The following CSMD3 variants were observed in gnomAD, a reference collection of about 807,000 sequenced individuals.
CSMD3 encodes CUB and sushi domain-containing protein 3.
In CSMD3, 177 loss-of-function variants were observed where a neutral mutation model predicts 435.2. The observed-to-expected ratio is 0.41, with a 90% confidence interval of 0.36 to 0.46. The LOEUF is 0.46. Ranked by LOEUF, CSMD3 falls within the 20% of genes least tolerant of loss-of-function variation. CSMD3 has a pLI of 0.34. For synonymous variants in CSMD3, 1,656 were observed against 1,520.5 expected (o/e 1.09, Z -2.07); for missense variants, 4,265 against 4,504.6 (o/e 0.95, Z 1.52).
intron 22 of CSMD3, among the ~76,000 whole-genome samples, chr8:112,635,807 ACTT>A (rs2074640329): frequency 1.3e-5 from 2 of 152,142 alleles, no homozygotes; most frequent in Admixed American, 1.3e-4. Flanking sequence ...AAAGGATATA[ACTT>A]CTTCAATCTC....
At chr8:113,084,354 T>C (rs1477478998) in intron 5 of CSMD3, among the ~76,000 whole-genome samples, 3 of 151,896 alleles carry the variant, frequency 2.0e-5, no homozygotes, top group African/African-American at 7.2e-5. Context: ...CCATTTGTAA[T>C]AGGCGCAAAA....
At chr8:112,962,898 C>T (rs1207652027) in intron 7 of CSMD3, among the ~76,000 whole-genome samples, 1 of 151,882 alleles carries the variant, frequency 6.6e-6, no homozygotes, top group Non-Finnish European at 1.5e-5. Flanking sequence ...GAAGCACTGG[C>T]GTCACCTGGG....
intron 3 of CSMD3, among the ~76,000 whole-genome samples, chr8:113,233,372 T>A (rs1252288135): frequency 6.6e-6 from 1 of 151,240 alleles, no homozygotes; most frequent in Non-Finnish European, 1.5e-5. Context: ...TAAAAAAGTG[T>A]ATTTTAAAAA....
Position 113,113,579 on chromosome 8 carries a change from T to C in CSMD3, c.710-14616A>G, listed in dbSNP as rs544302551. Reference sequence around the variant, plus strand: ...CAGCCTTTAGCTTCAGGGCACCATCTTAACTGTGTTGCTGGCTGGGACATT... The same window carrying C: ...CAGCCTTTAGCTTCAGGGCACCATCCTAACTGTGTTGCTGGCTGGGACATT... On this transcript the variant is annotated intron_variant, in intron 4 of 70. Coordinates refer to ENST00000297405, the MANE Select transcript of CSMD3 (RefSeq NM_198123.2). Among the ~76,000 whole-genome samples the C allele has an allele frequency of 2.0e-5, 3 of 152,226 alleles. No individual in the cohort carries two copies. The East Asian group carries it at 5.8e-4, about 29-fold the overall frequency.
intron 1 of CSMD3, among the ~76,000 whole-genome samples, chr8:113,436,323 C>G (rs1250247892): frequency 6.6e-6 from 1 of 152,142 alleles, no homozygotes; most frequent in Non-Finnish European, 1.5e-5. Context: ...AAGCCTCAAG[C>G]CCTAGTGATC....
chr8:113,208,634 T>A (rs2092798201), intron 3 of CSMD3, among the ~76,000 whole-genome samples: 1 of 152,092 alleles, frequency 6.6e-6, no homozygotes, highest in Non-Finnish European at 1.5e-5. Flanking sequence ...AAGTTTGTCA[T>A]TACAAACTAT....
intron 1 of CSMD3, among the ~76,000 whole-genome samples, chr8:113,414,651 CAAAAAAAA>C (rs780988317): frequency 2.4e-5 from 2 of 85,068 alleles, no homozygotes; most frequent in African/African-American, 4.0e-5. Context: ...TGCCCAAATA[CAAAAAAAA>C]AAAAAAAAAA....
At chr8:113,026,707 T>C (rs1029954947) in intron 5 of CSMD3, among the ~76,000 whole-genome samples, 17 of 152,324 alleles carry the variant, frequency 1.1e-4, no homozygotes, top group East Asian at 9.6e-4. Context: ...TTATACTCTT[T>C]ATAAGTTAGG....
chr8:112,821,670 A>G (rs1207788665), intron 12 of CSMD3, among the ~76,000 whole-genome samples: 3 of 151,948 alleles, frequency 2.0e-5, no homozygotes, highest in South Asian at 2.1e-4. Context: ...CCCATTTGTC[A>G]ATTTTGGCTT....
intron 41 of CSMD3, among the ~76,000 whole-genome samples, chr8:112,342,971 T>TTTTATA (rs1554647494): frequency 2.2e-5 from 2 of 92,408 alleles, no homozygotes; most frequent in Non-Finnish European, 4.3e-5. Context: ...TTGAAATGTA[T>TTTTATA]TATATATATA....
chr8:113,355,741 T>TAC (rs2094219824), intron 1 of CSMD3, among the ~76,000 whole-genome samples: 3 of 107,846 alleles, frequency 2.8e-5, no homozygotes, highest in Non-Finnish European at 5.2e-5. Flanking sequence ...TATATATATA[T>TAC]ATATATATAC....
In CSMD3 at chr8:113,278,835, C is replaced by T; in HGVS notation, c.402-131G>A. On this transcript the variant is annotated intron_variant, in intron 2 of 70. Transcript: ENST00000297405. Reference sequence around the variant, plus strand: ...CTATAATTTCCAGAAGGAATGCTATCCAGCCAACACCTTGATTTCAGCCCA... The same window carrying T: ...CTATAATTTCCAGAAGGAATGCTATTCAGCCAACACCTTGATTTCAGCCCA... 3 of 614,238 alleles carry T rather than the reference C, an allele frequency of 4.9e-6. 1 individual carries two copies. The South Asian group carries it at 5.0e-5, about 10-fold the overall frequency. 38.0% of individuals were successfully genotyped at this position (614,238 alleles called of 1,614,324 possible). A position where few individuals can be genotyped will look rare whatever the true frequency, so the allele number is the denominator to read the frequency against.
chr8:113,075,680 A>G (rs907942910), intron 5 of CSMD3, among the ~76,000 whole-genome samples: 1 of 151,850 alleles, frequency 6.6e-6, no homozygotes, highest in Non-Finnish European at 1.5e-5. Flanking sequence ...AAATATGCCT[A>G]TATTATTCAG....
At chr8:113,054,251 T>G (rs1190961152) in intron 5 of CSMD3, among the ~76,000 whole-genome samples, 1 of 152,160 alleles carries the variant, frequency 6.6e-6, no homozygotes, top group Admixed American at 6.5e-5. Flanking sequence ...ACAAAATTGT[T>G]GTCTACTCCA....
At chr8:113,247,759 T>A (rs1190135712) in intron 3 of CSMD3, among the ~76,000 whole-genome samples, 1 of 152,122 alleles carries the variant, frequency 6.6e-6, no homozygotes, top group East Asian at 1.9e-4. Flanking sequence ...AATAACAGAT[T>A]CTTAAGCAAT....
At chr8:112,444,554 A>T (rs1353795070) in intron 32 of CSMD3, among the ~76,000 whole-genome samples, 1 of 152,246 alleles carries the variant, frequency 6.6e-6, no homozygotes, top group Non-Finnish European at 1.5e-5. Flanking sequence ...TGATGCACAC[A>T]ATAACATGAA....
intron 1 of CSMD3, among the ~76,000 whole-genome samples, chr8:113,411,392 C>T (rs2094559258): frequency 1.3e-5 from 2 of 152,136 alleles, no homozygotes; most frequent in South Asian, 2.1e-4. Context: ...TCTTTTCTGA[C>T]TTGTGTTCCC....
chr8:112,623,349 AAT>A (rs1459910165), intron 22 of CSMD3, among the ~76,000 whole-genome samples: 1 of 152,036 alleles, frequency 6.6e-6, no homozygotes, highest in Non-Finnish European at 1.5e-5. Context: ...CATTTTCACA[AAT>A]ATGTCATTTT....
At chr8:112,609,232 A>AAAAAAAAAAAAAAAAAAAAAAAATT (rs1586799046) in intron 22 of CSMD3, among the ~76,000 whole-genome samples, 1 of 145,960 alleles carries the variant, frequency 6.9e-6, no homozygotes, top group Non-Finnish European at 1.5e-5. Context: ...AAAAAAAAAA[A>AAAAAAAAAAAAAAAAAAAAAAAATT]GAATAGAAGA....
Sources: gnomAD v4.1 joint callset for allele counts (sites outside exome capture counted in the v4.1 genomes callset) on GRCh38, gnomAD v4.1.1 for gene constraint, MANE v1.5 for transcripts, NCBI Gene and HGNC (gene_info 2026-07-23, HGNC 2026-07-21) for gene names.